Variants in SPDYE14 observed in about 807,000 individuals in gnomAD.
SPDYE14 encodes the protein speedy protein E14.
the SPDYE14 span, among the ~76,000 whole-genome samples, chr7:75,240,939 AT>A: frequency 1.6e-4 from 1 of 6,222 alleles, no homozygotes; most frequent in Non-Finnish European, 3.9e-4. Flanking sequence ...CTCTACAAAA[AT>A]AAAAATATAA....
chr7:75,260,990 T>C, the SPDYE14 span, among the ~76,000 whole-genome samples: 3 of 61,476 alleles, frequency 4.9e-5, 1 homozygote, highest in African/African-American at 1.2e-4. Context: ...CTAGATGTGG[T>C]GGTGCACACC....
the SPDYE14 span, among the ~76,000 whole-genome samples, chr7:75,261,128 AG>A: frequency 2.2e-5 from 2 of 92,526 alleles, 1 homozygote; most frequent in Non-Finnish European, 5.2e-5. Context: ...TGTCTCAAAA[AG>A]GAAAAAGAAA....
chr7:75,279,196 C>T, the SPDYE14 span, among the ~76,000 whole-genome samples: 14 of 95,364 alleles, frequency 1.5e-4, no homozygotes, highest in African/African-American at 5.2e-4. Context: ...TGTGCAGGAA[C>T]GTTCATCACA....
the SPDYE14 span, among the ~76,000 whole-genome samples, chr7:75,274,526 CAGAG>C: frequency 1.0e-5 from 1 of 98,622 alleles, no homozygotes. Flanking sequence ...TTTTTTTTGA[CAGAG>C]AGTCTTGCTG....
the SPDYE14 span, among the ~76,000 whole-genome samples, chr7:75,278,116 G>A: frequency 5.1e-5 from 3 of 59,148 alleles, 1 homozygote; most frequent in South Asian, 5.6e-4. Flanking sequence ...CTCCCTCTCC[G>A]CTCCTCTATA....
At chr7:75,268,897 G>GGGAGA in the SPDYE14 span, among the ~76,000 whole-genome samples, 1 of 23,438 alleles carries the variant, frequency 4.3e-5, no homozygotes, top group Non-Finnish European at 1.3e-4. Context: ...GAGAGAGAAA[G>GGGAGA]GAAATGGCCA....
At chr7:75,256,831 A>C in the SPDYE14 span, among the ~76,000 whole-genome samples, 1 of 12,676 alleles carries the variant, frequency 7.9e-5, no homozygotes, top group African/African-American at 1.8e-4. Context: ...AAAAAAAAAA[A>C]AAAAAAAAGA....
chr7:75,276,622 T>G, the SPDYE14 span, among the ~76,000 whole-genome samples: 1 of 48,208 alleles, frequency 2.1e-5, no homozygotes, highest in African/African-American at 5.4e-5. Flanking sequence ...TGAGGCTGGG[T>G]GCAGTGGCTC....
chr7:75,262,220 A>C, the SPDYE14 span, among the ~76,000 whole-genome samples: 2 of 55,284 alleles, frequency 3.6e-5, no homozygotes, highest in African/African-American at 7.7e-5. Context: ...ACTAAACTAA[A>C]CTAACTAAAT....
the SPDYE14 span, among the ~76,000 whole-genome samples, chr7:75,273,771 G>A: frequency 3.5e-5 from 2 of 57,160 alleles, 1 homozygote; most frequent in East Asian, 4.2e-3. Flanking sequence ...TGGGAGTTAG[G>A]AGTTTGACAT....
the SPDYE14 span, among the ~76,000 whole-genome samples, chr7:75,238,156 A>AC: frequency 7.1e-6 from 1 of 141,590 alleles, no homozygotes; most frequent in Non-Finnish European, 1.6e-5. Flanking sequence ...AAAGGGGGTG[A>AC]CCCGGGGGAG....
At chr7:75,245,403 AGAGT>A in the SPDYE14 span, among the ~76,000 whole-genome samples, 4 of 130,242 alleles carry the variant, frequency 3.1e-5, no homozygotes, top group African/African-American at 5.9e-5. Context: ...CCTGGGTGAC[AGAGT>A]GAGTGAGACT....
the SPDYE14 span, among the ~76,000 whole-genome samples, chr7:75,276,573 T>C: frequency 5.5e-5 from 1 of 18,034 alleles, no homozygotes; most frequent in Non-Finnish European, 1.5e-4. Context: ...AGCGAGACTC[T>C]GTCTCAAAAA....
the SPDYE14 span, among the ~76,000 whole-genome samples, chr7:75,244,878 G>C: frequency 1.5e-5 from 1 of 68,754 alleles, no homozygotes; most frequent in South Asian, 4.6e-4. Context: ...TGGATCGCCT[G>C]ATGTCAGAAA....
the SPDYE14 span, among the ~76,000 whole-genome samples, chr7:75,268,723 CA>C: frequency 1.7e-5 from 1 of 60,142 alleles, no homozygotes; most frequent in Non-Finnish European, 3.8e-5. Context: ...TACAAAAAAA[CA>C]AAAAAACAAA....
chr7:75,247,678 A>C, the SPDYE14 span, among the ~76,000 whole-genome samples: 1 of 26,104 alleles, frequency 3.8e-5, no homozygotes, highest in Non-Finnish European at 1.2e-4. Flanking sequence ...CCTCTGCCTC[A>C]AGCAATTCTC....
chr7:75,262,472 T>C, the SPDYE14 span, among the ~76,000 whole-genome samples: 1 of 42,452 alleles, frequency 2.4e-5, no homozygotes, highest in Non-Finnish European at 5.6e-5. Context: ...CAGGGTCAGC[T>C]GGTTTTTACA....
At chr7:75,274,937 T>C in the SPDYE14 span, among the ~76,000 whole-genome samples, 12 of 62,120 alleles carry the variant, frequency 1.9e-4, 4 homozygotes, top group Non-Finnish European at 4.2e-4. Flanking sequence ...TTTTTAAACA[T>C]TTACAAAAGT....
the SPDYE14 span, among the ~76,000 whole-genome samples, chr7:75,266,139 C>T: frequency 6.0e-4 from 13 of 21,520 alleles, no homozygotes; most frequent in African/African-American, 7.7e-4. Flanking sequence ...GTTCTTTTTT[C>T]TTTCTTTTCC....
Sources: allele counts gnomAD v4.1 joint callset (sites outside exome capture counted in the v4.1 genomes callset), GRCh38; gene constraint gnomAD v4.1.1; transcripts MANE v1.5; gene names NCBI Gene and HGNC (gene_info 2026-07-23, HGNC 2026-07-21).